Variants in CD101 observed in about 807,000 individuals in gnomAD.
CD101 encodes the protein CD101 molecule.
Under a neutral mutation model 98.2 loss-of-function variants are expected in CD101, and 76 were observed. That is an observed-to-expected ratio of 0.77 (90% CI 0.64 to 0.94). The LOEUF is 0.94. Ranked by LOEUF, CD101 falls within the 40% of genes least tolerant of loss-of-function variation. The pLI is 0.00. For synonymous variants in CD101, 471 were observed against 472.7 expected, an observed-to-expected ratio of 1.00 and a Z score of 0.05; for missense variants, 1,145 against 1,218.8, an observed-to-expected ratio of 0.94 and a Z score of 0.90.
In CD101 at chr1:117,018,512, A is replaced by C. The variant is rs1423647732; in HGVS notation, c.1969A>C (p.Arg657=). The C allele has an allele frequency of 6.2e-7, 1 of 1,612,298 alleles. No individual in the cohort carries two copies. The highest frequency in any genetic ancestry group is 1.1e-5 in the South Asian group (1 of 91,006). The change falls in exon 6 of 10, where the codon AGG becomes CGG. Residue 657 remains arginine (R), a synonymous_variant. Coordinates refer to ENST00000682167, the MANE Select transcript of CD101 (RefSeq NM_001256106.3). This position sits in a 1 kb window ranked among gnomAD's most constrained non-coding sequence, Gnocchi z 4.3. ...TTCCCTATACAACAACCGCCCCCCGAGGGCTTCTGCCATCTCTCACCCACT... is the reference window on the plus strand; with the variant it reads ...TTCCCTATACAACAACCGCCCCCCGCGGGCTTCTGCCATCTCTCACCCACT... ...RNSLYNNRPP[R]ASAISHPLRI... is the part of the protein sequence containing the mutation.
At position 117,030,710 on chromosome 1, in the gene CD101, T is replaced by C. The variant is rs148559945; in HGVS notation, c.2825-3150T>C. ...CAGGATGCTGTCAGTGATTCACTTA[T>C]TCTGGGATGCACTTGTTATCAGGTT... On this transcript the variant is annotated intron_variant, in intron 8 of 9. Transcript: ENST00000682167. 3.8e-3 allele frequency among the ~76,000 whole-genome samples: 573 copies of C among 152,356 alleles called. 2 individuals are homozygous for C. The highest frequency in any genetic ancestry group is 0.013 in the African/African-American group (555 of 41,586).
intron 8 of CD101, among the ~76,000 whole-genome samples, chr1:117,027,142 G>A (rs1435423971): frequency 6.6e-6 from 1 of 152,180 alleles, no homozygotes. Context: ...TTGGCACATT[G>A]TCAGTGCTCA....
chr1:117,012,064 T>A lies in CD101; in HGVS notation c.841+98T>A. The A allele has an allele frequency of 8.8e-7, 1 of 1,142,574 alleles. No homozygotes were observed. The highest frequency in any genetic ancestry group is 1.2e-6 in the Non-Finnish European group (1 of 812,360). The allele number at this position is 1,142,574 out of a possible 1,614,324, so 70.8% of individuals were successfully genotyped here. A position where few individuals can be genotyped will look rare whatever the true frequency, so the allele number is the denominator to read the frequency against. ...TTTTGTTCTAATCTTTTGTTGGCTC[T>A]AAAAAATTGGCTAGAAAGTTTGATT... On this transcript the variant is annotated intron_variant, in intron 3 of 9. Coordinates refer to ENST00000682167, the MANE Select transcript of CD101 (RefSeq NM_001256106.3). The surrounding 1 kb of genome is among the most constrained non-coding windows in gnomAD (Gnocchi z 4.0).
intron 7 of CD101, among the ~76,000 whole-genome samples, chr1:117,024,601 T>C (rs1462119947): frequency 6.6e-6 from 1 of 152,236 alleles, no homozygotes; most frequent in Non-Finnish European, 1.5e-5. Context: ...TTGGCTGTTA[T>C]TCTAAATCCT....
chr1:117,025,795 A>T lies in CD101; in HGVS notation c.2715A>T (p.Gly905=), dbSNP rs140160363. ...KLHQVEMEDA[G]MYWCRVAEWQ... The stretch of plus-strand genomic sequence containing the variant: ...ATCAGGTGGAGATGGAGGATGCAGG[A>T]ATGTACTGGTGTAGGGTGGCAGAGT... The change falls in exon 8 of 10, where the codon GGA becomes GGT. Residue 905 remains glycine (G), a synonymous_variant. Transcript: ENST00000682167. 7.8e-4 allele frequency: 1,261 copies of T among 1,614,148 alleles called. 1 individual carries two copies. Among genetic ancestry groups the T allele is most frequent in the Non-Finnish European group, 1.0e-3 (1,181 of 1,180,008 alleles).
At chr1:117,015,657 C>T (rs1047337425) in intron 4 of CD101, among the ~76,000 whole-genome samples, 11 of 152,090 alleles carry the variant, frequency 7.2e-5, no homozygotes, top group Admixed American at 2.0e-4. Flanking sequence ...TTTTATTTTC[C>T]TCTTTTGCTT....
In CD101 at chr1:117,022,762, T is replaced by C. The variant is rs1653665351; in HGVS notation, c.2428+779T>C. On this transcript the variant is annotated intron_variant, in intron 7 of 9. Coordinates refer to ENST00000682167, the MANE Select transcript of CD101 (RefSeq NM_001256106.3). The surrounding 1 kb of genome is among the most constrained non-coding windows in gnomAD (Gnocchi z 4.8). ...TAGATGATAATTGAGCATTACTATGTGTTAGGCAGTGGAATACAAAGATAA... is the reference window on the plus strand; with the variant it reads ...TAGATGATAATTGAGCATTACTATGCGTTAGGCAGTGGAATACAAAGATAA... 6.6e-6 allele frequency among the ~76,000 whole-genome samples: 1 copy of C among 152,148 alleles called. No homozygotes were observed. Among genetic ancestry groups the C allele is most frequent in the Non-Finnish European group, 1.5e-5 (1 of 68,030 alleles).
chr1:117,021,610 A>G lies in CD101; in HGVS notation c.2055A>G (p.Gln685=). The G allele has an allele frequency of 1.9e-6, 3 of 1,598,556 alleles. No individual in the cohort carries two copies. The highest frequency in any genetic ancestry group is 2.6e-6 in the Non-Finnish European group (3 of 1,174,606). The change falls in exon 7 of 10, where the codon CAA becomes CAG. Residue 685 remains glutamine, a synonymous_variant. Coordinates refer to ENST00000682167, the MANE Select transcript of CD101 (RefSeq NM_001256106.3). The surrounding 1 kb of genome is among the most constrained non-coding windows in gnomAD (Gnocchi z 4.7). ...KLKVNSRSQV[Q]ELSINSNTDI... is the part of the protein sequence containing the mutation. ...AAGTGAATTCAAGGAGTCAAGTCCA[A>G]GAGCTCTCCATCAACTCCAACACTG...
Position 117,021,744 on chromosome 1 carries a change from T to C in CD101, c.2189T>C (p.Met730Thr). 3.1e-6 allele frequency: 5 copies of C among 1,614,124 alleles called. No homozygotes were observed. The highest frequency in any genetic ancestry group is 4.2e-6 in the Non-Finnish European group (5 of 1,180,012). The stretch of plus-strand genomic sequence containing the variant: ...GCCTCTTGGCTAAAGATCCTGGAGA[T>C]GGACCAAACCAATGTTATAAAAACT... The part of the protein sequence containing the change: ...TNASWLKILE[M>T]DQTNVIKTGD... The change falls in exon 7 of 10, where the codon ATG becomes ACG. Residue 730 changes from methionine to threonine, a missense_variant. Met to Thr is a moderately conservative substitution (Grantham distance 81). Transcript: ENST00000682167. This position sits in a 1 kb window ranked among gnomAD's most constrained non-coding sequence, Gnocchi z 4.7.
At chr1:117,028,960 T>C in intron 8 of CD101, among the ~76,000 whole-genome samples, 2 of 151,864 alleles carry the variant, frequency 1.3e-5, no homozygotes, top group Non-Finnish European at 2.9e-5. Context: ...AGTATTTTAG[T>C]TTTGCTTTTT....
At position 117,018,176 on chromosome 1, in the gene CD101, CTGAT is replaced by C. The variant is rs751018159; in HGVS notation, c.1634_1637del (p.Leu545ArgfsTer7). On this transcript the variant is annotated frameshift_variant, in exon 6 of 10. Transcript: ENST00000682167. LOFTEE classifies it high-confidence loss of function. This position sits in a 1 kb window ranked among gnomAD's most constrained non-coding sequence, Gnocchi z 4.3. ...TCTAGAGTCAAGTTTACAAGTTAGTCTGATGAGCCGTCAGCCGCAAGTGATGTTA... is the reference window on the plus strand; with the variant it reads ...TCTAGAGTCAAGTTTACAAGTTAGTCGAGCCGTCAGCCGCAAGTGATGTTA... 7 of 1,598,806 alleles carry C rather than the reference CTGAT, an allele frequency of 4.4e-6. No individual in the cohort carries two copies. The highest frequency in any genetic ancestry group is 6.0e-6 in the Non-Finnish European group (7 of 1,170,516).
chr1:117,003,128 T>A (rs1349057231), intron 1 of CD101, among the ~76,000 whole-genome samples: 2 of 151,782 alleles, frequency 1.3e-5, no homozygotes, highest in African/African-American at 4.8e-5. Context: ...GGTGACAGAG[T>A]GAGATTCCAT....
At chr1:117,029,269 GA>G (rs1201738875) in intron 8 of CD101, among the ~76,000 whole-genome samples, 1 of 125,588 alleles carries the variant, frequency 8.0e-6, no homozygotes, top group Non-Finnish European at 1.7e-5. Flanking sequence ...AAGAAAGAAA[GA>G]AAGAGTAGAT....
At chr1:117,034,300 A>T in intron 9 of CD101, 166 bp downstream of exon 9, 1 of 611,128 alleles carries the variant, frequency 1.6e-6, no homozygotes. Flanking sequence ...TACCTCATCC[A>T]CCTCTCGCAT....
At chr1:117,017,919 C>T (rs1013937119) in intron 5 of CD101, among the ~76,000 whole-genome samples, 2 of 152,170 alleles carry the variant, frequency 1.3e-5, no homozygotes, top group Non-Finnish European at 2.9e-5. Context: ...ATTGGAGAAA[C>T]ACTGCCTATT....
rs1243826285 is a variant in CD101, at chr1:117,025,740, C to T, written c.2660C>T (p.Ser887Leu). Residue 887 changes from serine to leucine, a missense_variant, in exon 8 of 10, where the codon TCA becomes TTA. Physicochemically the swap from Ser to Leu is moderately radical, Grantham distance 145. Coordinates refer to ENST00000682167, the MANE Select transcript of CD101 (RefSeq NM_001256106.3). The stretch of plus-strand genomic sequence containing the variant: ...AGGAGGCACCTGCACTGTTACCGTT[C>T]ATCCTCTACAGACTTTGTCCTGAAG... ...GLRRHLHCYR[S>L]SSTDFVLKLH... is the part of the protein sequence containing the mutation. The T allele has an allele frequency of 3.1e-6, 5 of 1,614,068 alleles. No homozygotes were observed. The highest frequency in any genetic ancestry group is 2.7e-5 in the African/African-American group (2 of 74,916).
Position 117,018,377 on chromosome 1 carries a change from A to G in CD101, c.1834A>G (p.Lys612Glu). The change falls in exon 6 of 10, where the codon AAG (lysine) becomes GAG (glutamate). Residue 612 changes from lysine to glutamate, a missense_variant. By Grantham distance (56) the Lys-to-Glu change is moderately conservative (BLOSUM62 1). Transcript: ENST00000682167. The surrounding 1 kb of genome is among the most constrained non-coding windows in gnomAD (Gnocchi z 4.3). ...EWGNFLSRFQ[K>E]KTKVSQSLFR... ...GGGGAATTTCCTATCCCGGTTCCAAAAGAAGACGAAAGTGTCGCAGTCTTT... is the reference window on the plus strand; with the variant it reads ...GGGGAATTTCCTATCCCGGTTCCAAGAGAAGACGAAAGTGTCGCAGTCTTT... 6.2e-7 allele frequency: 1 copy of G among 1,614,118 alleles called. No homozygotes were observed. Among genetic ancestry groups the G allele is most frequent in the Non-Finnish European group, 8.5e-7 (1 of 1,180,012 alleles).
chr1:117,016,748 C>T (rs1357079005), intron 4 of CD101, among the ~76,000 whole-genome samples: 2 of 152,184 alleles, frequency 1.3e-5, no homozygotes, highest in Non-Finnish European at 2.9e-5. Flanking sequence ...GTCCCAGCTA[C>T]TGAGGCACGA....
chr1:117,018,581 A>T lies in CD101; in HGVS notation c.2017+21A>T. On this transcript the variant is annotated intron_variant, in intron 6 of 9. Coordinates refer to ENST00000682167, the MANE Select transcript of CD101 (RefSeq NM_001256106.3). This position sits in a 1 kb window ranked among gnomAD's most constrained non-coding sequence, Gnocchi z 4.3. ...ACCAGGTAAGTGTGACTTGAAATTA[A>T]TCCCTGTTTTAAAAACAAACAAATA... The T allele has an allele frequency of 6.5e-7, 1 of 1,544,188 alleles. No individual in the cohort carries two copies. Among genetic ancestry groups the T allele is most frequent in the Non-Finnish European group, 8.7e-7 (1 of 1,146,276 alleles).
Sources: gnomAD v4.1 joint callset for allele counts (sites outside exome capture counted in the v4.1 genomes callset) on GRCh38, gnomAD v4.1.1 for gene constraint, Gnocchi (gnomAD v3.1) non-coding constraint, MANE v1.5 for transcripts, NCBI Gene and HGNC (gene_info 2026-07-23, HGNC 2026-07-21) for gene names.